HUNK: variants seen among roughly 807,000 people sequenced by gnomAD.
HUNK encodes hormonally up-regulated Neu-associated kinase.
A neutral mutation model predicts 61.0 loss-of-function variants in HUNK; 21 were observed. The ratio of observed to expected loss-of-function variants is 0.34; its 90% CI spans 0.24 to 0.50. The LOEUF is 0.50. Among genes scored for constraint, HUNK ranks in the 20% least tolerant of loss-of-function variants. The pLI is 0.98. For synonymous variants in HUNK, 371 were observed against 386.1 expected (o/e 0.96, Z 0.46); for missense variants, 772 against 945.7 (o/e 0.82, Z 2.41).
At chr21:31,927,889 T>C (rs1196415537) in intron 2 of HUNK, among the ~76,000 whole-genome samples, 1 of 152,162 alleles carries the variant, frequency 6.6e-6, no homozygotes, top group African/African-American at 2.4e-5. Context: ...TGAGAGCACC[T>C]CTTCACATAC....
intron 2 of HUNK, among the ~76,000 whole-genome samples, chr21:31,928,536 C>G (rs2052676413): frequency 6.6e-6 from 1 of 152,112 alleles, no homozygotes. Context: ...TATTTATAAT[C>G]CAATAATGGC....
intron 1 of HUNK, among the ~76,000 whole-genome samples, chr21:31,898,033 G>A (rs750478627): frequency 1.3e-5 from 2 of 152,188 alleles, no homozygotes; most frequent in Non-Finnish European, 2.9e-5. Context: ...GCAGAGATAC[G>A]ACAGTTATGC....
chr21:31,892,606 A>G (rs916919632), intron 1 of HUNK, among the ~76,000 whole-genome samples: 4 of 151,890 alleles, frequency 2.6e-5, no homozygotes, highest in East Asian at 1.9e-4. Flanking sequence ...AGAAAAAAAA[A>G]GAAATGGTAG....
chr21:31,962,374 C>A (rs1278638537), intron 5 of HUNK, among the ~76,000 whole-genome samples: 1 of 152,202 alleles, frequency 6.6e-6, no homozygotes, highest in Non-Finnish European at 1.5e-5. Context: ...TTTTTACTTT[C>A]AATAACATCA....
rs997582927 is a variant in HUNK, at chr21:31,996,430, C to G, written c.1486+482C>G. Among the ~76,000 whole-genome samples the G allele has an allele frequency of 1.3e-5, 2 of 152,142 alleles. 1 individual carries two copies. The highest frequency in any genetic ancestry group is 4.1e-4 in the South Asian group (2 of 4,824). The stretch of plus-strand genomic sequence containing the variant: ...CTTCACTGGATTATTTGTAAGGCCT[C>G]CCACCTGTTGGAGCTGTTGGGTAGA... On this transcript the variant is annotated intron_variant, in intron 10 of 10. Transcript: ENST00000270112.
At chr21:31,897,137 T>C (rs2052430417) in intron 1 of HUNK, among the ~76,000 whole-genome samples, 1 of 152,110 alleles carries the variant, frequency 6.6e-6, no homozygotes, top group African/African-American at 2.4e-5. Context: ...CCAGCTACTT[T>C]TGGGAGGCTG....
chr21:31,913,906 C>T (rs952628086), intron 1 of HUNK, among the ~76,000 whole-genome samples: 1 of 151,906 alleles, frequency 6.6e-6, no homozygotes, highest in Non-Finnish European at 1.5e-5. Context: ...GTGGGAGTGG[C>T]AGTCCGGGGC....
At chr21:31,929,036 G>A (rs575493146) in intron 2 of HUNK, among the ~76,000 whole-genome samples, 1 of 152,116 alleles carries the variant, frequency 6.6e-6, no homozygotes, top group South Asian at 2.1e-4. Flanking sequence ...AGGGGCTTTT[G>A]GTTGTGTGTG....
chr21:31,901,682 C>G (rs2052468945), intron 1 of HUNK, among the ~76,000 whole-genome samples: 5 of 152,220 alleles, frequency 3.3e-5, no homozygotes, highest in Admixed American at 3.3e-4. Flanking sequence ...AACTATGATG[C>G]TCAGGTGTAG....
rs185725565 is a variant in HUNK, at chr21:31,983,753, T to C, written c.1257+144T>C. ...CGCTCATAACTGAGCCCTTGAGAAATGGTTTACAGCGGAACCAGCTTTGCG... is the reference window on the plus strand; with the variant it reads ...CGCTCATAACTGAGCCCTTGAGAAACGGTTTACAGCGGAACCAGCTTTGCG... On this transcript the variant is annotated intron_variant, in intron 8 of 10. Coordinates refer to ENST00000270112, the MANE Select transcript of HUNK (RefSeq NM_014586.2). 147 of 627,410 alleles carry C rather than the reference T, an allele frequency of 2.3e-4. No individual in the cohort carries two copies. The African/African-American group carries it at 2.4e-3, about 10-fold the overall frequency. 38.9% of individuals were successfully genotyped at this position (627,410 alleles called of 1,614,324 possible).
intron 5 of HUNK, among the ~76,000 whole-genome samples, chr21:31,960,997 T>G (rs536935086): frequency 6.6e-6 from 1 of 152,266 alleles, no homozygotes; most frequent in African/African-American, 2.4e-5. Context: ...TCTATAGAGT[T>G]TTTTCACATG....
intron 5 of HUNK, among the ~76,000 whole-genome samples, chr21:31,967,514 T>A (rs2052975539): frequency 6.6e-6 from 1 of 152,170 alleles, no homozygotes; most frequent in Admixed American, 6.5e-5. Context: ...AGTGCTTGAA[T>A]GGACAAGTGC....
At chr21:31,879,531 G>A (rs6517063) in intron 1 of HUNK, among the ~76,000 whole-genome samples, 6,620 of 152,248 alleles carry the variant, frequency 0.043, 510 homozygotes, top group African/African-American at 0.15. Context: ...TTGAGTCAGC[G>A]CAACAGTGCA....
chr21:31,984,600 T>G (rs1442277744), intron 8 of HUNK, among the ~76,000 whole-genome samples: 1 of 152,176 alleles, frequency 6.6e-6, no homozygotes, highest in Admixed American at 6.5e-5. Context: ...ACTAGGCTCC[T>G]GTAGCAAACA....
intron 1 of HUNK, among the ~76,000 whole-genome samples, chr21:31,890,537 A>G (rs558112503): frequency 6.6e-6 from 1 of 152,116 alleles, no homozygotes; most frequent in Admixed American, 6.6e-5. Context: ...GCCGGTAAAT[A>G]TTCTTTTAAA....
At chr21:31,917,122 C>T (rs1271318410) in intron 1 of HUNK, among the ~76,000 whole-genome samples, 1 of 152,178 alleles carries the variant, frequency 6.6e-6, no homozygotes, top group Non-Finnish European at 1.5e-5. Context: ...TTTTATCCAT[C>T]ATCATTGATT....
At chr21:31,935,645 C>G (rs2093785349) in intron 2 of HUNK, among the ~76,000 whole-genome samples, 1 of 152,144 alleles carries the variant, frequency 6.6e-6, no homozygotes, top group Admixed American at 6.6e-5. Flanking sequence ...GAGTGTCATA[C>G]AGTTGGAGTC....
chr21:31,953,295 C>T lies in HUNK; in HGVS notation c.747-5548C>T, dbSNP rs142672255. On this transcript the variant is annotated intron_variant, in intron 4 of 10. Transcript: ENST00000270112. ...TTCGCTCTTGTTGCCCAGGCAATGG[C>T]GCAATCTCTGCTTACCACAACCTCC... is the stretch of plus-strand genomic sequence containing the variant. Among the ~76,000 whole-genome samples the T allele has an allele frequency of 3.8e-4, 57 of 149,300 alleles. No individual in the cohort carries two copies. In the East Asian group the frequency reaches 7.1e-3, roughly 19 times the overall value.
intron 1 of HUNK, among the ~76,000 whole-genome samples, chr21:31,915,884 C>G (rs1320474399): frequency 6.6e-6 from 1 of 152,040 alleles, no homozygotes; most frequent in African/African-American, 2.4e-5. Context: ...CTGAAGCCAC[C>G]GGTCAAGGAA....
Sources: allele counts gnomAD v4.1 joint callset (sites outside exome capture counted in the v4.1 genomes callset), GRCh38; gene constraint gnomAD v4.1.1; transcripts MANE v1.5; gene names NCBI Gene and HGNC (gene_info 2026-07-23, HGNC 2026-07-21).